The following FAM241A variants were observed in gnomAD, a reference collection of about 807,000 sequenced individuals.
The protein encoded by FAM241A is family with sequence similarity 241 member A, also known as uncharacterized protein FAM241A.
In FAM241A, 7 loss-of-function variants were observed where a neutral mutation model predicts 12.2. The ratio of observed to expected loss-of-function variants is 0.58; its 90% CI spans 0.33 to 1.08. The LOEUF is 1.08. Among genes scored for constraint, FAM241A ranks in the 50% least tolerant of loss-of-function variants. The pLI is 0.04. For missense variants in FAM241A, 161 were observed against 169.7 expected (o/e 0.95, Z 0.29); for synonymous variants, 74 against 68.2 (o/e 1.08, Z -0.42).
chr4:112,167,039 G>A (rs1723612887), intron 1 of FAM241A, among the ~76,000 whole-genome samples: 1 of 125,538 alleles, frequency 8.0e-6, no homozygotes, highest in Non-Finnish European at 1.7e-5. Context: ...GCGTGAACCC[G>A]GGAGGCGGAG....
chr4:112,179,487 T>A (rs1352199324), intron 1 of FAM241A, among the ~76,000 whole-genome samples: 1 of 151,602 alleles, frequency 6.6e-6, no homozygotes, highest in African/African-American at 2.4e-5. Context: ...ATGTTCTCAC[T>A]CATAGGTGGG....
At chr4:112,178,186 G>T (rs1163780435) in intron 1 of FAM241A, among the ~76,000 whole-genome samples, 1 of 152,138 alleles carries the variant, frequency 6.6e-6, no homozygotes, top group Non-Finnish European at 1.5e-5. Flanking sequence ...TCTCTCCAAA[G>T]ATGTCCACAT....
At chr4:112,175,953 A>C (rs1231424641) in intron 1 of FAM241A, among the ~76,000 whole-genome samples, 1 of 152,166 alleles carries the variant, frequency 6.6e-6, no homozygotes, top group Non-Finnish European at 1.5e-5. Flanking sequence ...CTGCATATGT[A>C]ATGATATGCA....
intron 1 of FAM241A, among the ~76,000 whole-genome samples, chr4:112,149,081 TATTTTGG>T (rs377110970): frequency 0.96 from 146,568 of 152,302 alleles, 70,598 homozygotes; most frequent in East Asian, 1. Flanking sequence ...AATCCCACTC[TATTTTGG>T]GATTTTGATA....
rs973785311 is a variant in FAM241A, at chr4:112,187,751, G to C, written c.*813G>C. 10 of 151,958 alleles carry C rather than the reference G, an allele frequency of 6.6e-5. No individual in the cohort carries two copies. Among genetic ancestry groups the C allele is most frequent in the Non-Finnish European group, 1.2e-4 (8 of 67,916 alleles). The allele number at this position is 151,958 out of a possible 1,614,324, so 9.4% of individuals were successfully genotyped here. A position where few individuals can be genotyped will look rare whatever the true frequency, so the allele number is the denominator to read the frequency against. ...AACAAGTTGCATATTTTTTCCTAGA[G>C]AGACATTTTCAGTGTATTTTTTTTT... On this transcript the variant is annotated 3_prime_UTR_variant, in exon 2 of 2. Coordinates refer to ENST00000309733, the MANE Select transcript of FAM241A (RefSeq NM_152400.3).
chr4:112,162,810 T>G (rs1187569632), intron 1 of FAM241A, among the ~76,000 whole-genome samples: 3 of 152,206 alleles, frequency 2.0e-5, no homozygotes, highest in African/African-American at 7.2e-5. Flanking sequence ...AAGACACTAC[T>G]TTAAAGTTCA....
At chr4:112,164,449 T>G (rs952662088) in intron 1 of FAM241A, among the ~76,000 whole-genome samples, 1 of 148,738 alleles carries the variant, frequency 6.7e-6, no homozygotes, top group Non-Finnish European at 1.5e-5. Context: ...GGACCTATTG[T>G]GGGGTGGGGA....
intron 1 of FAM241A, among the ~76,000 whole-genome samples, chr4:112,166,013 C>T (rs1054678999): frequency 6.6e-6 from 1 of 151,752 alleles, no homozygotes; most frequent in African/African-American, 2.4e-5. Flanking sequence ...TATCTCGTGC[C>T]CCACAAATAT....
intron 1 of FAM241A, among the ~76,000 whole-genome samples, chr4:112,166,958 C>CA (rs375818700): frequency 0.089 from 7,374 of 83,304 alleles, 452 homozygotes; most frequent in East Asian, 0.16. Context: ...ACTAAAAATA[C>CA]AAAAAATTAG....
Position 112,193,458 on chromosome 4 carries a change from T to G in FAM241A, c.*6520T>G, listed in dbSNP as rs1016215086. ...CCTGAATGGTAATGCCTAGGTTTTC[T>G]TCTAGGGTTTTTATGGTTTTAGGTC... On this transcript the variant is annotated 3_prime_UTR_variant, in exon 2 of 2. Transcript: ENST00000309733. 2.0e-5 allele frequency: 3 copies of G among 152,228 alleles called. No individual in the cohort carries two copies. The highest frequency in any genetic ancestry group is 2.9e-5 in the Non-Finnish European group (2 of 68,048). 9.4% of individuals were successfully genotyped at this position (152,228 alleles called of 1,614,324 possible).
intron 1 of FAM241A, among the ~76,000 whole-genome samples, chr4:112,162,521 C>T (rs183129814): frequency 6.6e-6 from 1 of 152,248 alleles, no homozygotes; most frequent in Non-Finnish European, 1.5e-5. Flanking sequence ...CAATAACAGA[C>T]AAACAGAGAG....
Position 112,187,018 on chromosome 4 carries a change from C to A in FAM241A, c.*80C>A. 6.7e-7 allele frequency: 1 copy of A among 1,500,762 alleles called. No individual in the cohort carries two copies. The highest frequency in any genetic ancestry group is 1.3e-5 in the South Asian group (1 of 74,386). The allele number at this position is 1,500,762 out of a possible 1,614,324, so 93.0% of individuals were successfully genotyped here. Reference sequence around the variant, plus strand: ...AGTTATATATTTCACTTTTTGACAACCGAAAAAGTTTGCCTTGTTTCAAAT... The same window carrying A: ...AGTTATATATTTCACTTTTTGACAAACGAAAAAGTTTGCCTTGTTTCAAAT... On this transcript the variant is annotated 3_prime_UTR_variant, in exon 2 of 2. Transcript: ENST00000309733.
rs1188396087 is a variant in FAM241A, at chr4:112,189,999, C to T, written c.*3061C>T. 2 of 138,962 alleles carry T rather than the reference C, an allele frequency of 1.4e-5. No homozygotes were observed. The highest frequency in any genetic ancestry group is 3.2e-5 in the Non-Finnish European group (2 of 63,292). 8.6% of individuals were successfully genotyped at this position (138,962 alleles called of 1,614,324 possible). A position where few individuals can be genotyped will look rare whatever the true frequency, so the allele number is the denominator to read the frequency against. On this transcript the variant is annotated 3_prime_UTR_variant, in exon 2 of 2. Transcript: ENST00000309733. Reference sequence around the variant, plus strand: ...GAAAGCATATGAGGTAAATCCCCATCGACCCACCCAAAACTGAATCTGGCT... The same window carrying T: ...GAAAGCATATGAGGTAAATCCCCATTGACCCACCCAAAACTGAATCTGGCT...
At chr4:112,178,496 T>G (rs1017248235) in intron 1 of FAM241A, among the ~76,000 whole-genome samples, 36 of 152,134 alleles carry the variant, frequency 2.4e-4, no homozygotes, top group African/African-American at 8.0e-4. Flanking sequence ...GTCTGCTTTG[T>G]CAAAGATCAA....
At chr4:112,154,093 T>G (rs1250440319) in intron 1 of FAM241A, among the ~76,000 whole-genome samples, 1 of 152,196 alleles carries the variant, frequency 6.6e-6, no homozygotes, top group Non-Finnish European at 1.5e-5. Context: ...GCAAATTCCA[T>G]CAGTCTGACT....
chr4:112,181,257 T>TA (rs199716511), intron 1 of FAM241A, among the ~76,000 whole-genome samples: 1,522 of 152,108 alleles, frequency 0.01, 28 homozygotes, highest in African/African-American at 0.034. Context: ...CCCATAAAAA[T>TA]ATGTACATTG....
intron 1 of FAM241A, chr4:112,171,481 T>C (rs2110429853): frequency 2.6e-6 from 2 of 778,626 alleles, no homozygotes; most frequent in Non-Finnish European, 2.3e-6. Context: ...TGCAAGCATT[T>C]TGAACTGGGA....
At chr4:112,185,095 G>T (rs112124131) in intron 1 of FAM241A, among the ~76,000 whole-genome samples, 18 of 151,872 alleles carry the variant, frequency 1.2e-4, no homozygotes, top group Non-Finnish European at 2.5e-4. Context: ...CTTTTTAAAC[G>T]TATAATAAAT....
intron 1 of FAM241A, among the ~76,000 whole-genome samples, chr4:112,165,408 T>A (rs1275098606): frequency 6.6e-6 from 1 of 152,144 alleles, no homozygotes; most frequent in African/African-American, 2.4e-5. Context: ...GCTGGGTATA[T>A]CTCCAAAAGA....
Sources: gnomAD v4.1 joint callset for allele counts (sites outside exome capture counted in the v4.1 genomes callset) on GRCh38, gnomAD v4.1.1 for gene constraint, MANE v1.5 for transcripts, NCBI Gene and HGNC (gene_info 2026-07-23, HGNC 2026-07-21) for gene names.